PXDNL: variants seen among roughly 807,000 people sequenced by gnomAD.
PXDNL encodes peroxidasin like.
PXDNL carries 145 observed loss-of-function variants against 150.8 expected under a neutral mutation model. That is an observed-to-expected ratio of 0.96 (90% CI 0.84 to 1.10). The LOEUF is 1.10. Among genes scored for constraint, PXDNL ranks in the 50% least tolerant of loss-of-function variants. The probability of loss-of-function intolerance (pLI) is 0.00; values close to 1 mark genes in which losing one functional copy is unlikely to be tolerated. For synonymous variants in PXDNL, 757 were observed against 725.7 expected, an observed-to-expected ratio of 1.04 and a Z score of -0.69; for missense variants, 2,087 against 1,873.9, an observed-to-expected ratio of 1.11 and a Z score of -2.10.
At chr8:51,704,019 T>G (rs956839973) in intron 1 of PXDNL, among the ~76,000 whole-genome samples, 2 of 152,226 alleles carry the variant, frequency 1.3e-5, no homozygotes, top group Non-Finnish European at 2.9e-5. Context: ...CAAATATGCA[T>G]GTACTCATGG....
rs71237237 is a variant in PXDNL, at chr8:51,760,845, C to CTTTTTTTTTTTTTT, written c.164+48322_164+48335dup. ...GTTAGCCTGAAGGAAATCACTTAAA[C>CTTTTTTTTTTTTTT]TTTTTTTTTTTTTTTTTTTTTTTTT... is the stretch of plus-strand genomic sequence containing the variant. On this transcript the variant is annotated intron_variant, in intron 1 of 22. Transcript: ENST00000356297. Among the ~76,000 whole-genome samples, 344 of 45,472 alleles carry CTTTTTTTTTTTTTT rather than the reference C, an allele frequency of 7.6e-3. 123 individuals carry two copies. The highest frequency in any genetic ancestry group is 0.017 in the East Asian group (16 of 954). 29.8% of individuals were successfully genotyped at this position (45,472 alleles called of 152,430 possible). A position where few individuals can be genotyped will look rare whatever the true frequency, so the allele number is the denominator to read the frequency against.
intron 17 of PXDNL, among the ~76,000 whole-genome samples, chr8:51,392,202 G>C (rs1807932082): frequency 6.6e-6 from 1 of 152,166 alleles, no homozygotes; most frequent in African/African-American, 2.4e-5. Flanking sequence ...TTTTGGCTTA[G>C]GATTGACTTG....
intron 17 of PXDNL, among the ~76,000 whole-genome samples, chr8:51,379,340 C>G (rs2130805425): frequency 6.6e-6 from 1 of 152,252 alleles, no homozygotes; most frequent in South Asian, 2.1e-4. Flanking sequence ...TTTCCTAGGG[C>G]TAACCTGAAA....
At chr8:51,667,068 C>T (rs909913741) in intron 1 of PXDNL, among the ~76,000 whole-genome samples, 1 of 152,116 alleles carries the variant, frequency 6.6e-6, no homozygotes, top group African/African-American at 2.4e-5. Flanking sequence ...ATCATCATCC[C>T]ACCCAATTTC....
chr8:51,534,791 A>T (rs1445743308), intron 4 of PXDNL, among the ~76,000 whole-genome samples: 5 of 68,766 alleles, frequency 7.3e-5, no homozygotes, highest in South Asian at 5.2e-4. Context: ...TCCGGGAGGG[A>T]GGTGGGGGGG....
intron 19 of PXDNL, among the ~76,000 whole-genome samples, chr8:51,364,463 TCTCTG>T (rs1354538454): frequency 2.6e-5 from 4 of 152,230 alleles, no homozygotes; most frequent in Admixed American, 6.5e-5. Context: ...AATCAAGACT[TCTCTG>T]CTATCATAAG....
chr8:51,462,063 A>C (rs1358370248), intron 8 of PXDNL, among the ~76,000 whole-genome samples: 2 of 152,210 alleles, frequency 1.3e-5, no homozygotes, highest in African/African-American at 2.4e-5. Context: ...GATATTTAGA[A>C]AGCACACAGA....
chr8:51,733,805 C>T (rs1816980637), intron 1 of PXDNL, among the ~76,000 whole-genome samples: 1 of 99,942 alleles, frequency 1.0e-5, no homozygotes, highest in African/African-American at 3.8e-5. Flanking sequence ...AAGACTCTGT[C>T]TCAAATAATA....
chr8:51,367,699 T>C (rs766753909), intron 19 of PXDNL, among the ~76,000 whole-genome samples: 68 of 152,244 alleles, frequency 4.5e-4, no homozygotes, highest in Non-Finnish European at 6.0e-4. Context: ...ATATAACAGA[T>C]ACATAGAATG....
intron 12 of PXDNL, among the ~76,000 whole-genome samples, chr8:51,432,068 T>C (rs192000151): frequency 6.6e-6 from 1 of 152,364 alleles, no homozygotes. Context: ...AATCTTTCTA[T>C]ACTATCATAA....
chr8:51,413,121 G>T (rs751394558), intron 15 of PXDNL, 29 bp downstream of exon 15: 1 of 1,299,798 alleles, frequency 7.7e-7, no homozygotes, highest in East Asian at 2.3e-5. Context: ...TGAAAACAAG[G>T]TTTCAATCTG....
At chr8:51,523,800 C>A (rs765975894) in intron 4 of PXDNL, among the ~76,000 whole-genome samples, 3 of 152,108 alleles carry the variant, frequency 2.0e-5, no homozygotes, top group Non-Finnish European at 4.4e-5. Flanking sequence ...TGAGCAATGA[C>A]AGAAGAATAT....
intron 1 of PXDNL, among the ~76,000 whole-genome samples, chr8:51,696,805 TCACACACACA>T (rs769772282): frequency 2.2e-3 from 59 of 26,422 alleles, no homozygotes; most frequent in African/African-American, 3.8e-3. Flanking sequence ...ACATAGGTCT[TCACACACACA>T]CACACACACA....
intron 2 of PXDNL, among the ~76,000 whole-genome samples, chr8:51,637,891 T>C (rs201198225): frequency 6.6e-6 from 1 of 151,856 alleles, no homozygotes; most frequent in Non-Finnish European, 1.5e-5. Flanking sequence ...CTCCAAGACA[T>C]ATAATTGTCA....
At chr8:51,715,604 C>T (rs1036624302) in intron 1 of PXDNL, among the ~76,000 whole-genome samples, 9 of 152,214 alleles carry the variant, frequency 5.9e-5, no homozygotes, top group Middle Eastern at 6.8e-3. Context: ...TGCGGCAGAA[C>T]GTAACAAAAG....
chr8:51,671,206 GATAGA>G (rs1308437453), intron 1 of PXDNL, among the ~76,000 whole-genome samples: 1 of 152,220 alleles, frequency 6.6e-6, no homozygotes, highest in Non-Finnish European at 1.5e-5. Context: ...GAGATCGACA[GATAGA>G]ATTCCATTCA....
intron 19 of PXDNL, among the ~76,000 whole-genome samples, chr8:51,361,937 C>CAAAA (rs57092440): frequency 0.012 from 714 of 58,082 alleles, 2 homozygotes; most frequent in East Asian, 0.023. Context: ...GATTCCATCT[C>CAAAA]AAAAAAAAAA....
At chr8:51,342,762 A>G (rs1806027560) in intron 20 of PXDNL, among the ~76,000 whole-genome samples, 2 of 152,058 alleles carry the variant, frequency 1.3e-5, no homozygotes, top group South Asian at 4.1e-4. Flanking sequence ...TAGTAGTTCT[A>G]TAAGACACTA....
At chr8:51,542,153 GA>G (rs869143729) in intron 4 of PXDNL, among the ~76,000 whole-genome samples, 3 of 149,538 alleles carry the variant, frequency 2.0e-5, no homozygotes, top group South Asian at 4.3e-4. Context: ...GAGAAAGGGG[GA>G]AAAAAAGGAG....
Sources: gnomAD v4.1 joint callset for allele counts (sites outside exome capture counted in the v4.1 genomes callset) on GRCh38, gnomAD v4.1.1 for gene constraint, MANE v1.5 for transcripts, NCBI Gene and HGNC (gene_info 2026-07-23, HGNC 2026-07-21) for gene names.